The following HMGA2 variants were observed in gnomAD, a reference collection of about 807,000 sequenced individuals.
The protein encoded by HMGA2 is high mobility group protein HMGI-C.
In HMGA2, 8 loss-of-function variants were observed where a neutral mutation model predicts 19.1. That is an observed-to-expected ratio of 0.42 (90% CI 0.25 to 0.76). HMGA2 has a LOEUF of 0.76. Among genes scored for constraint, HMGA2 ranks in the 30% least tolerant of loss-of-function variants. The pLI, the probability that HMGA2 is intolerant of heterozygous loss-of-function variation, is 0.28. For missense variants in HMGA2, 109 were observed against 136.3 expected (o/e 0.80, Z 1.00); for synonymous variants, 60 against 48.8 (o/e 1.23, Z -0.96).
intron 3 of HMGA2, among the ~76,000 whole-genome samples, chr12:65,937,085 C>T (rs1875923231): frequency 6.6e-6 from 1 of 152,182 alleles, no homozygotes; most frequent in Non-Finnish European, 1.5e-5. Flanking sequence ...CAACTACAAT[C>T]AAAGATAGCA....
intron 3 of HMGA2, among the ~76,000 whole-genome samples, chr12:65,908,176 A>T (rs1433120998): frequency 6.6e-6 from 1 of 152,214 alleles, no homozygotes; most frequent in Non-Finnish European, 1.5e-5. Context: ...ATGGTATTGC[A>T]TGAAAAGCAC....
Position 65,929,204 on chromosome 12 carries a change from T to C in HMGA2, c.250-22179T>C, listed in dbSNP as rs187357822. ...TCTCTGGCCAAAGTTTGTCAAACCA[T>C]TTCTCTGAGTAACAAGACTTCCTCA... On this transcript the variant is annotated intron_variant, in intron 3 of 4. Transcript: ENST00000403681. Among the ~76,000 whole-genome samples, 785 of 152,274 alleles carry C rather than the reference T, an allele frequency of 5.2e-3. 2 individuals carry two copies. The highest frequency in any genetic ancestry group is 8.4e-3 in the Admixed American group (129 of 15,284).
rs900671276 is a variant in HMGA2 at position 65,964,708 on chromosome 12, T to G, written c.*1416T>G. On this transcript the variant is annotated 3_prime_UTR_variant, in exon 5 of 5. Transcript: ENST00000403681. ...TAAAGAAGCAATCTCCTTACTGTGTTTCAGCATGACTATGTATTTTTCTAT... is the reference window on the plus strand; with the variant it reads ...TAAAGAAGCAATCTCCTTACTGTGTGTCAGCATGACTATGTATTTTTCTAT... 1 of 202,248 alleles carries G rather than the reference T, an allele frequency of 4.9e-6. No homozygotes were observed. The highest frequency in any genetic ancestry group is 2.3e-5 in the African/African-American group (1 of 43,670). 12.5% of individuals were successfully genotyped at this position (202,248 alleles called of 1,614,324 possible). A position where few individuals can be genotyped will look rare whatever the true frequency, so the allele number is the denominator to read the frequency against.
chr12:65,957,172 A>G (rs1876628952), intron 4 of HMGA2: 1 of 152,162 alleles, frequency 6.6e-6, no homozygotes. Flanking sequence ...CAAATACAAC[A>G]CCTATGCAAA....
At chr12:65,880,338 T>C (rs866870928) in intron 3 of HMGA2, among the ~76,000 whole-genome samples, 1 of 152,208 alleles carries the variant, frequency 6.6e-6, no homozygotes, top group Non-Finnish European at 1.5e-5. Flanking sequence ...AAGAAAACTT[T>C]GCAAAAATAT....
chr12:65,867,219 C>G (rs1872471795), intron 3 of HMGA2, among the ~76,000 whole-genome samples: 1 of 152,204 alleles, frequency 6.6e-6, no homozygotes, highest in Non-Finnish European at 1.5e-5. Context: ...TACGTAGAAA[C>G]AGGCCCTTGT....
chr12:65,960,241 C>G (rs1048073171), intron 4 of HMGA2, among the ~76,000 whole-genome samples: 2 of 152,142 alleles, frequency 1.3e-5, no homozygotes, highest in Admixed American at 6.5e-5. Context: ...GGGTCCCTAC[C>G]AACTCCTCAG....
intron 3 of HMGA2, among the ~76,000 whole-genome samples, chr12:65,852,315 G>T (rs919622353): frequency 3.9e-5 from 6 of 152,018 alleles, no homozygotes; most frequent in Non-Finnish European, 7.4e-5. Flanking sequence ...TGGCCAACAT[G>T]GTGAAACCCC....
chr12:65,858,656 T>C (rs2120961413), intron 3 of HMGA2: 1 of 152,302 alleles, frequency 6.6e-6, no homozygotes, highest in South Asian at 2.1e-4. Context: ...ATGCACAGCC[T>C]AGTTATTTGA....
chr12:65,865,501 T>C (rs1354334930), intron 3 of HMGA2, among the ~76,000 whole-genome samples: 1 of 152,174 alleles, frequency 6.6e-6, no homozygotes, highest in Admixed American at 6.5e-5. Context: ...TAAGTTAGTC[T>C]TCAGGCTTTT....
rs1876871048 is a variant in HMGA2 at position 65,965,107 on chromosome 12, C to T, written c.*1815C>T. On this transcript the variant is annotated 3_prime_UTR_variant, in exon 5 of 5. Transcript: ENST00000403681. ...ATAGAAAGGAACACGTTTTTACATA[C>T]TTTTGCAAAATAAGTAAATAATAAA... The T allele has an allele frequency of 1.0e-5, 2 of 193,540 alleles. No homozygotes were observed. The highest frequency in any genetic ancestry group is 1.7e-3 in the Middle Eastern group (1 of 578). The allele number at this position is 193,540 out of a possible 1,614,324, so 12.0% of individuals were successfully genotyped here. A position where few individuals can be genotyped will look rare whatever the true frequency, so the allele number is the denominator to read the frequency against.
intron 3 of HMGA2, among the ~76,000 whole-genome samples, chr12:65,949,133 C>T (rs927087851): frequency 5.3e-5 from 8 of 152,008 alleles, no homozygotes; most frequent in African/African-American, 1.7e-4. Flanking sequence ...GTTCTTGGTT[C>T]GATTTTCCCT....
chr12:65,951,484 C>A, intron 4 of HMGA2, 69 bp downstream of exon 4: 1 of 980,190 alleles, frequency 1.0e-6, no homozygotes, highest in Non-Finnish European at 1.6e-6. Flanking sequence ...GAAAAATGTC[C>A]CCAAACTAAA....
rs1024191693 is a variant in HMGA2 at position 65,853,769 on chromosome 12, G to A, written c.249+15200G>A. On this transcript the variant is annotated intron_variant, in intron 3 of 4. Transcript: ENST00000403681. Reference sequence around the variant, plus strand: ...CTCAATGCACAGTGCTTGGCGCATCGTGAGTGCTCAATAAATTCAGTTGCT... The same window carrying A: ...CTCAATGCACAGTGCTTGGCGCATCATGAGTGCTCAATAAATTCAGTTGCT... 3.3e-5 allele frequency among the ~76,000 whole-genome samples: 5 copies of A among 152,212 alleles called. No homozygotes were observed. In the East Asian group the frequency reaches 5.8e-4, roughly 18 times the overall value.
intron 2 of HMGA2, chr12:65,828,685 T>A (rs1870340621): frequency 1.3e-5 from 2 of 156,212 alleles, no homozygotes; most frequent in Non-Finnish European, 2.8e-5. Context: ...TGCAGTATAG[T>A]ATATCATAAT....
chr12:65,886,486 A>G (rs1168214418), intron 3 of HMGA2, among the ~76,000 whole-genome samples: 1 of 151,636 alleles, frequency 6.6e-6, no homozygotes, highest in Non-Finnish European at 1.5e-5. Context: ...CAGCCTCCTG[A>G]GTAGCTGGGA....
intron 3 of HMGA2, among the ~76,000 whole-genome samples, chr12:65,868,359 G>A (rs1392566536): frequency 6.6e-6 from 1 of 151,744 alleles, no homozygotes; most frequent in Non-Finnish European, 1.5e-5. Context: ...TTAGAGTTCA[G>A]AACATGTCAA....
intron 3 of HMGA2, among the ~76,000 whole-genome samples, chr12:65,946,492 G>A (rs1876269534): frequency 6.6e-6 from 1 of 152,054 alleles, no homozygotes; most frequent in South Asian, 2.1e-4. Context: ...CATACATTGT[G>A]CCTAATTTTT....
At chr12:65,859,455 A>G (rs550173611) in intron 3 of HMGA2, 1 of 152,302 alleles carries the variant, frequency 6.6e-6, no homozygotes, top group Admixed American at 6.5e-5. Flanking sequence ...GTGGTTAAAT[A>G]ATACCATTTT....
Sources: allele counts gnomAD v4.1 joint callset (sites outside exome capture counted in the v4.1 genomes callset), GRCh38; gene constraint gnomAD v4.1.1; transcripts MANE v1.5; gene names NCBI Gene and HGNC (gene_info 2026-07-23, HGNC 2026-07-21).